Variants in CSMD1 observed in about 807,000 individuals in gnomAD.
The protein encoded by CSMD1 is CUB and Sushi multiple domains 1, also known as CUB and sushi domain-containing protein 1.
CSMD1 carries 213 observed loss-of-function variants against 417.5 expected under a neutral mutation model. The ratio of observed to expected loss-of-function variants is 0.51; its 90% CI spans 0.46 to 0.57. CSMD1 has a LOEUF of 0.57. Among genes scored for constraint, CSMD1 ranks in the 20% least tolerant of loss-of-function variants. The pLI is 0.00. For synonymous variants in CSMD1, 2,862 were observed against 1,736.8 expected (o/e 1.65, Z -16.11); for missense variants, 6,923 against 4,529.7 (o/e 1.53, Z -15.17).
At position 3,343,455 on chromosome 8, in the gene CSMD1, T is replaced by G. The variant is rs7813641; in HGVS notation, c.3475-5A>C. 6.2e-7 allele frequency: 1 copy of G among 1,611,070 alleles called. No individual in the cohort carries two copies. The highest frequency in any genetic ancestry group is 8.5e-7 in the Non-Finnish European group (1 of 1,177,824). On this transcript the variant is annotated splice_polypyrimidine_tract_variant and splice_region_variant and intron_variant, in intron 22 of 69. Transcript: ENST00000635120. ...ACTGTCTTTTCCATCATATACCTGA[T>G]GAAAATTCACAGCATGAGTCCCTCT...
chr8:3,024,239 G>C (rs1384525455), intron 51 of CSMD1, among the ~76,000 whole-genome samples: 1 of 138,374 alleles, frequency 7.2e-6, no homozygotes, highest in Non-Finnish European at 1.5e-5. Context: ...GAATTAATGT[G>C]TTTATTGATT....
At chr8:3,341,392 T>G (rs778707236) in intron 23 of CSMD1, among the ~76,000 whole-genome samples, 2 of 152,162 alleles carry the variant, frequency 1.3e-5, no homozygotes, top group Admixed American at 6.5e-5. Flanking sequence ...TGGATACTTT[T>G]TGCATCACCA....
intron 7 of CSMD1, among the ~76,000 whole-genome samples, chr8:3,651,933 A>G (rs996752977): frequency 1.3e-5 from 2 of 150,958 alleles, no homozygotes; most frequent in Non-Finnish European, 2.9e-5. Context: ...ACCTACCACC[A>G]TCAGTGGGCC....
intron 33 of CSMD1, among the ~76,000 whole-genome samples, chr8:3,194,934 C>G (rs768324139): frequency 3.3e-5 from 5 of 152,076 alleles, no homozygotes; most frequent in Non-Finnish European, 5.9e-5. Flanking sequence ...GAAAACATGA[C>G]TTGAAAAAGT....
chr8:3,250,192 A>T (rs1800161136), intron 26 of CSMD1, among the ~76,000 whole-genome samples: 1 of 152,186 alleles, frequency 6.6e-6, no homozygotes, highest in African/African-American at 2.4e-5. Flanking sequence ...ATGTCTCCAA[A>T]TACTATCCCT....
At chr8:4,445,130 C>T (rs1328645866) in intron 2 of CSMD1, among the ~76,000 whole-genome samples, 2 of 152,158 alleles carry the variant, frequency 1.3e-5, no homozygotes, top group Non-Finnish European at 2.9e-5. Context: ...ATAGTAGATA[C>T]AGTGCTGTTT....
At chr8:3,175,525 C>CTTTT (rs1563111760) in intron 37 of CSMD1, among the ~76,000 whole-genome samples, 2 of 117,124 alleles carry the variant, frequency 1.7e-5, no homozygotes, top group Non-Finnish European at 3.8e-5. Flanking sequence ...TCCTTCCTTC[C>CTTTT]TTCCTTCCTT....
intron 47 of CSMD1, among the ~76,000 whole-genome samples, chr8:3,095,464 C>T (rs887440562): frequency 6.6e-6 from 1 of 152,096 alleles, no homozygotes; most frequent in African/African-American, 2.4e-5. Flanking sequence ...AAAAGCCATG[C>T]TCTGAAAATG....
intron 3 of CSMD1, among the ~76,000 whole-genome samples, chr8:4,219,740 G>A (rs1800913290): frequency 6.6e-6 from 1 of 152,096 alleles, no homozygotes; most frequent in African/African-American, 2.4e-5. Context: ...AACTTGGTTT[G>A]AATGACTTCT....
At chr8:4,329,088 A>G (rs1799719509) in intron 3 of CSMD1, among the ~76,000 whole-genome samples, 1 of 152,168 alleles carries the variant, frequency 6.6e-6, no homozygotes, top group South Asian at 2.1e-4. Flanking sequence ...CAACAAATAA[A>G]TCCAAGCCTT....
intron 3 of CSMD1, among the ~76,000 whole-genome samples, chr8:4,051,530 C>T (rs1314110740): frequency 2.6e-5 from 4 of 152,080 alleles, no homozygotes; most frequent in East Asian, 1.9e-4. Flanking sequence ...AATGCAACTT[C>T]GAATCAGCAG....
At chr8:3,889,431 T>C (rs1048225428) in intron 5 of CSMD1, among the ~76,000 whole-genome samples, 20 of 137,078 alleles carry the variant, frequency 1.5e-4, no homozygotes, top group African/African-American at 5.1e-4. Flanking sequence ...TAGTCATTAG[T>C]TGATATGCTT....
chr8:3,979,210 A>T (rs1019541339), intron 5 of CSMD1, among the ~76,000 whole-genome samples: 4 of 152,276 alleles, frequency 2.6e-5, no homozygotes, highest in Non-Finnish European at 5.9e-5. Flanking sequence ...CCAAATCTCA[A>T]TAATGTATAG....
intron 2 of CSMD1, among the ~76,000 whole-genome samples, chr8:4,553,195 A>G (rs1563280535): frequency 6.6e-6 from 1 of 152,108 alleles, no homozygotes; most frequent in Non-Finnish European, 1.5e-5. Context: ...CCCATGTTTC[A>G]CATGTGTGTC....
At chr8:3,412,016 A>ACGTATATATG (rs1367203728) in intron 12 of CSMD1, among the ~76,000 whole-genome samples, 2 of 9,184 alleles carry the variant, frequency 2.2e-4, no homozygotes, top group African/African-American at 7.7e-4. Context: ...ATATATATAC[A>ACGTATATATG]TATACACACG....
At chr8:3,070,977 T>C (rs1053588819) in intron 49 of CSMD1, among the ~76,000 whole-genome samples, 1 of 152,332 alleles carries the variant, frequency 6.6e-6, no homozygotes, top group East Asian at 1.9e-4. Flanking sequence ...GTTCAGCTCC[T>C]GGGGAGACCT....
chr8:4,104,632 G>A (rs181016779), intron 3 of CSMD1, among the ~76,000 whole-genome samples: 140 of 152,268 alleles, frequency 9.2e-4, no homozygotes, highest in Admixed American at 1.6e-3. Context: ...AATGAGGCTA[G>A]TTTGTCATAC....
intron 1 of CSMD1, among the ~76,000 whole-genome samples, chr8:4,855,295 A>G (rs1018630316): frequency 3.9e-5 from 6 of 152,012 alleles, no homozygotes; most frequent in Non-Finnish European, 7.4e-5. Context: ...AAAAGTAGAT[A>G]AAACCACAAA....
intron 1 of CSMD1, among the ~76,000 whole-genome samples, chr8:4,740,299 G>A (rs1810521578): frequency 6.6e-6 from 1 of 151,970 alleles, no homozygotes; most frequent in South Asian, 2.1e-4. Flanking sequence ...TTTATTATAG[G>A]GTCTTACATT....
Sources: gnomAD v4.1 joint callset for allele counts (sites outside exome capture counted in the v4.1 genomes callset) on GRCh38, gnomAD v4.1.1 for gene constraint, MANE v1.5 for transcripts, NCBI Gene and HGNC (gene_info 2026-07-23, HGNC 2026-07-21) for gene names.